The following CACNA1D variants were observed in gnomAD, a reference collection of about 807,000 sequenced individuals.
CACNA1D encodes the protein calcium voltage-gated channel subunit alpha1 D, also known as voltage-dependent L-type calcium channel subunit alpha-1D.
In CACNA1D, 55 loss-of-function variants were observed where a neutral mutation model predicts 257.1. That is an observed-to-expected ratio of 0.21 (90% confidence interval 0.17 to 0.27). The LOEUF is 0.27. CACNA1D is among the 10% of genes least tolerant of loss of function. The probability of loss-of-function intolerance (pLI) is 1.00; values close to 1 mark genes in which losing one functional copy is unlikely to be tolerated. For synonymous variants in CACNA1D, 980 were observed against 1,014.9 expected, an observed-to-expected ratio of 0.97 and a Z score of 0.65; for missense variants, 1,876 against 2,784.0, an observed-to-expected ratio of 0.67 and a Z score of 7.34.
At chr3:53,727,103 A>T in intron 15 of CACNA1D, 104 bp downstream of exon 15, 1 of 1,373,398 alleles carries the variant, frequency 7.3e-7, no homozygotes, top group Non-Finnish European at 1.0e-6. Context: ...TAGTTGTGGC[A>T]GGGAGGTAAA....
intron 3 of CACNA1D, among the ~76,000 whole-genome samples, chr3:53,593,736 G>A (rs1266440114): frequency 1.3e-5 from 2 of 152,260 alleles, no homozygotes; most frequent in East Asian, 1.9e-4. Context: ...CAAGGAGCTG[G>A]GATTTTTTCC....
At chr3:53,805,946 T>TCATCTTCCCTCCTCCTCCCTC (rs2095562104) in intron 45 of CACNA1D, among the ~76,000 whole-genome samples, 2 of 121,974 alleles carry the variant, frequency 1.6e-5, no homozygotes, top group Admixed American at 8.2e-5. Context: ...TCCTCCTCCC[T>TCATCTTCCCTCCTCCTCCCTC]CATCTTCCCT....
chr3:53,612,853 C>T (rs921160593), intron 3 of CACNA1D, among the ~76,000 whole-genome samples: 1 of 152,116 alleles, frequency 6.6e-6, no homozygotes, highest in African/African-American at 2.4e-5. Context: ...CACTGTCTGT[C>T]GTTGAATACT....
rs777443811 is a variant in CACNA1D, at chr3:53,665,611, T to C, written c.767-49T>C. 21 of 1,461,258 alleles carry C rather than the reference T, an allele frequency of 1.4e-5. No individual in the cohort carries two copies. The East Asian group carries it at 3.9e-4, about 27-fold the overall frequency. The allele number at this position is 1,461,258 out of a possible 1,614,324, so 90.5% of individuals were successfully genotyped here. A position where few individuals can be genotyped will look rare whatever the true frequency, so the allele number is the denominator to read the frequency against. ...GGTTAGGAATTATATATATGATTCA[T>C]TGGAGTGCCTTCCTGGCTCACAAAC... On this transcript the variant is annotated intron_variant, in intron 5 of 47. Coordinates refer to ENST00000350061, the MANE Select transcript of CACNA1D (RefSeq NM_001128840.3).
chr3:53,786,373 T>C (rs1038574751), intron 39 of CACNA1D: 1 of 185,824 alleles, frequency 5.4e-6, no homozygotes, highest in Admixed American at 5.4e-5. Flanking sequence ...TCTAGGTCTC[T>C]ATCTTGAGAC....
Position 53,497,414 on chromosome 3 carries a change from A to C in CACNA1D, c.330A>C (p.Ser110=). Residue 110 remains serine (S), a synonymous_variant, in exon 2 of 48, where the codon TCA becomes TCC. Transcript: ENST00000350061. ...CTGCCCGCGCCCTTTTCTGTTTATC[A>C]CTCAATAACCCCATCCGAAGAGCCT... ...SRPARALFCL[S]LNNPIRRACI... The C allele has an allele frequency of 6.2e-7, 1 of 1,614,128 alleles. No homozygotes were observed. The highest frequency in any genetic ancestry group is 8.5e-7 in the Non-Finnish European group (1 of 1,180,026).
At chr3:53,749,572 TG>T (rs1367262641) in intron 27 of CACNA1D, 103 bp downstream of exon 27, 4 of 806,472 alleles carry the variant, frequency 5.0e-6, no homozygotes, top group African/African-American at 1.7e-5. Context: ...ACCCACATAC[TG>T]TCTGTCCCTG....
intron 3 of CACNA1D, among the ~76,000 whole-genome samples, chr3:53,517,575 C>A (rs925394876): frequency 2.0e-5 from 3 of 152,004 alleles, no homozygotes; most frequent in Non-Finnish European, 2.9e-5. Context: ...CCTCTGCCTC[C>A]CAGGTTCAAG....
chr3:53,592,267 T>C (rs1229617912), intron 3 of CACNA1D, among the ~76,000 whole-genome samples: 1 of 152,094 alleles, frequency 6.6e-6, no homozygotes, highest in Non-Finnish European at 1.5e-5. Context: ...TAGGCAGGGA[T>C]CTGAAAGAAG....
chr3:53,682,520 G>C (rs2094442336), intron 8 of CACNA1D, among the ~76,000 whole-genome samples: 1 of 150,480 alleles, frequency 6.6e-6, no homozygotes, highest in Non-Finnish European at 1.5e-5. Context: ...TCATGCTTCT[G>C]CACTCCAGCC....
At chr3:53,505,115 G>GTTTTTTTTTTTTTTTT in intron 3 of CACNA1D, among the ~76,000 whole-genome samples, 1 of 97,620 alleles carries the variant, frequency 1.0e-5, no homozygotes, top group Non-Finnish European at 1.9e-5. Context: ...TTGTTTATTT[G>GTTTTTTTTTTTTTTTT]TTTTTTTTTT....
At chr3:53,675,970 A>G (rs1246840573) in intron 8 of CACNA1D, among the ~76,000 whole-genome samples, 2 of 152,180 alleles carry the variant, frequency 1.3e-5, no homozygotes, top group Admixed American at 6.5e-5. Flanking sequence ...AGGCAGAACC[A>G]TGTCTGCAAA....
At position 53,774,627 on chromosome 3, in the gene CACNA1D, A is replaced by G. The variant is rs1198904094; in HGVS notation, c.4151A>G (p.Asn1384Ser). ...GCCATGAGAGATAACAACCAGATCA[A>G]TAGGAACAATAACTTCCAGACGTTT... Reference protein sequence around the residue: ...KVAMRDNNQINRNNNFQTFPQ... With the variant: ...KVAMRDNNQISRNNNFQTFPQ... The change falls in exon 34 of 48, where the codon AAT (asparagine) becomes AGT (serine). Residue 1384 changes from asparagine to serine, a missense_variant. Coordinates refer to ENST00000350061, the MANE Select transcript of CACNA1D (RefSeq NM_001128840.3). The surrounding 1 kb of genome is among the most constrained non-coding windows in gnomAD (Gnocchi z 4.3). 1 of 1,612,816 alleles carries G rather than the reference A, an allele frequency of 6.2e-7. No homozygotes were observed. The highest frequency in any genetic ancestry group is 8.5e-7 in the Non-Finnish European group (1 of 1,178,770).
In CACNA1D at chr3:53,729,528, T is replaced by C. The variant is rs764063311; in HGVS notation, c.2222-914T>C. Among the ~76,000 whole-genome samples, 8 of 152,234 alleles carry C rather than the reference T, an allele frequency of 5.3e-5. No homozygotes were observed. In the East Asian group the frequency reaches 1.3e-3, roughly 26 times the overall value. ...TTCTCACTTATTGCCCTCTCATCCC[T>C]GTGCTTCTCAAAAACATGCTTCACT... On this transcript the variant is annotated intron_variant, in intron 15 of 47. Coordinates refer to ENST00000350061, the MANE Select transcript of CACNA1D (RefSeq NM_001128840.3).
chr3:53,583,322 C>T (rs994966831), intron 3 of CACNA1D, among the ~76,000 whole-genome samples: 9 of 152,074 alleles, frequency 5.9e-5, no homozygotes, highest in African/African-American at 2.2e-4. Flanking sequence ...TGGTCCCTAC[C>T]TGACCCTCCT....
At chr3:53,639,737 G>C (rs2108191494) in intron 3 of CACNA1D, among the ~76,000 whole-genome samples, 1 of 151,904 alleles carries the variant, frequency 6.6e-6, no homozygotes, top group East Asian at 1.9e-4. Context: ...ATACAGATTT[G>C]AAAAGCTTTT....
intron 3 of CACNA1D, among the ~76,000 whole-genome samples, chr3:53,520,904 CTTTTCTTTTCTTTTT>C: frequency 9.9e-6 from 1 of 100,688 alleles, no homozygotes; most frequent in South Asian, 3.3e-4. Flanking sequence ...CTTTTCTTTT[CTTTTCTTTTCTTTTT>C]CTTTCTTTTC....
At position 53,800,049 on chromosome 3, in the gene CACNA1D, A is replaced by C; in HGVS notation, c.4924-200A>C. On this transcript the variant is annotated intron_variant, in intron 40 of 47. Transcript: ENST00000350061. The surrounding 1 kb of genome is among the most constrained non-coding windows in gnomAD (Gnocchi z 4.3). ...GTTGCAGGCCTCAGGCATCCTACCT[A>C]GGACCTTCTTGACCCTCTGGATGCC... 1.5e-6 allele frequency: 1 copy of C among 680,458 alleles called. No individual in the cohort carries two copies. Among genetic ancestry groups the C allele is most frequent in the East Asian group, 2.5e-5 (1 of 39,758 alleles). The allele number at this position is 680,458 out of a possible 1,614,324, so 42.2% of individuals were successfully genotyped here. A position where few individuals can be genotyped will look rare whatever the true frequency, so the allele number is the denominator to read the frequency against.
In CACNA1D at chr3:53,734,672, C is replaced by T. The variant is rs560868762; in HGVS notation, c.2622-702C>T. Among the ~76,000 whole-genome samples the T allele has an allele frequency of 1.8e-4, 28 of 152,242 alleles. 3 individuals carry two copies. The highest frequency in any genetic ancestry group is 6.5e-4 in the African/African-American group (27 of 41,540). On this transcript the variant is annotated intron_variant, in intron 19 of 47. Transcript: ENST00000350061. ...GCCACCCTCCATTGCTTCACGAGAC[C>T]ACAGGACTTGGTGAGAACTCTCATG...
Sources: allele counts gnomAD v4.1 joint callset (sites outside exome capture counted in the v4.1 genomes callset), GRCh38; gene constraint gnomAD v4.1.1; non-coding constraint Gnocchi (gnomAD v3.1); transcripts MANE v1.5; gene names NCBI Gene and HGNC (gene_info 2026-07-23, HGNC 2026-07-21).